The following KCNB2 variants were observed in gnomAD, a reference collection of about 807,000 sequenced individuals.
KCNB2 encodes potassium voltage-gated channel subfamily B member 2.
In KCNB2, 15 loss-of-function variants were observed where a neutral mutation model predicts 61.5. The ratio of observed to expected loss-of-function variants is 0.24; its 90% CI spans 0.16 to 0.38. The LOEUF is 0.38. Ranked by LOEUF, KCNB2 falls within the 10% of genes least tolerant of loss-of-function variation. The probability of loss-of-function intolerance (pLI) is 1.00; values close to 1 mark genes in which losing one functional copy is unlikely to be tolerated. For missense variants in KCNB2, 828 were observed against 1,125.2 expected (o/e 0.74, Z 3.78); for synonymous variants, 457 against 446.0 (o/e 1.02, Z -0.31).
At chr8:72,920,483 A>ATATATATATGTGTG (rs1806500544) in intron 2 of KCNB2, among the ~76,000 whole-genome samples, 2 of 132,774 alleles carry the variant, frequency 1.5e-5, no homozygotes, top group Non-Finnish European at 3.3e-5. Flanking sequence ...CTATATATAT[A>ATATATATATGTGTG]TATATTAGCT....
chr8:72,795,924 G>A (rs73686522), intron 2 of KCNB2, among the ~76,000 whole-genome samples: 4,361 of 152,246 alleles, frequency 0.029, 145 homozygotes, highest in African/African-American at 0.077. Flanking sequence ...ATTTGAAAGA[G>A]TTTGAAAGCA....
At chr8:72,634,393 A>T (rs533580447) in intron 2 of KCNB2, among the ~76,000 whole-genome samples, 1 of 152,166 alleles carries the variant, frequency 6.6e-6, no homozygotes, top group Non-Finnish European at 1.5e-5. Flanking sequence ...CGAGTCTGAG[A>T]TGAGGCCTGA....
rs1806643834 is a variant in KCNB2 at position 72,567,657 on chromosome 8, T to C, written c.-78T>C. 2 of 937,234 alleles carry C rather than the reference T, an allele frequency of 2.1e-6. No homozygotes were observed. Among genetic ancestry groups the C allele is most frequent in the Admixed American group, 2.4e-5 (1 of 41,098 alleles). 58.1% of individuals were successfully genotyped at this position (937,234 alleles called of 1,614,324 possible). On this transcript the variant is annotated 5_prime_UTR_variant, in exon 2 of 3. It removes an upstream start codon present in the reference 5' UTR. Coordinates refer to ENST00000523207, the MANE Select transcript of KCNB2 (RefSeq NM_004770.3). Reference sequence around the variant, plus strand: ...TTTCTTCCAGCTTTGTCAGTGGAAATGCCTGCCCCAGAGGGATATTGCTTC... The same window carrying C: ...TTTCTTCCAGCTTTGTCAGTGGAAACGCCTGCCCCAGAGGGATATTGCTTC...
chr8:72,827,661 C>T (rs1267405399), intron 2 of KCNB2, among the ~76,000 whole-genome samples: 2 of 152,134 alleles, frequency 1.3e-5, no homozygotes, highest in Non-Finnish European at 2.9e-5. Flanking sequence ...GCTGGGCTCC[C>T]TTTCTGTTCT....
intron 2 of KCNB2, among the ~76,000 whole-genome samples, chr8:72,889,282 T>C (rs1162049373): frequency 2.6e-5 from 4 of 152,202 alleles, no homozygotes; most frequent in Non-Finnish European, 5.9e-5. Flanking sequence ...AAATAACTTA[T>C]GATCCCAGGG....
At chr8:72,913,993 C>A (rs1029710177) in intron 2 of KCNB2, among the ~76,000 whole-genome samples, 2 of 152,184 alleles carry the variant, frequency 1.3e-5, no homozygotes, top group African/African-American at 4.8e-5. Context: ...CAGGCTGCTG[C>A]AACAAATACC....
At chr8:72,870,841 G>A (rs1445970716) in intron 2 of KCNB2, among the ~76,000 whole-genome samples, 2 of 152,148 alleles carry the variant, frequency 1.3e-5, no homozygotes, top group Admixed American at 1.3e-4. Context: ...GCCAGGTGTG[G>A]TGCCATGCAC....
chr8:72,570,319 CTAAGTAAA>C (rs1487161581), intron 2 of KCNB2, among the ~76,000 whole-genome samples: 11 of 152,102 alleles, frequency 7.2e-5, no homozygotes, highest in African/African-American at 2.7e-4. Context: ...GTTAATCAAG[CTAAGTAAA>C]TCTTCACTAT....
At chr8:72,691,585 C>T (rs1407604559) in intron 2 of KCNB2, among the ~76,000 whole-genome samples, 1 of 152,158 alleles carries the variant, frequency 6.6e-6, no homozygotes, top group East Asian at 1.9e-4. Context: ...ACAAGTGTAG[C>T]AACTTACTAA....
chr8:72,937,059 T>G lies in KCNB2; in HGVS notation c.1704T>G (p.Ser568=). The G allele has an allele frequency of 6.2e-7, 1 of 1,614,028 alleles. No individual in the cohort carries two copies. The highest frequency in any genetic ancestry group is 8.5e-7 in the Non-Finnish European group (1 of 1,180,004). ...GCCAAGAAAAGCCTGAGAGGCCATC[T>G]GCATATGAAGAAGAGATTGAAATGG... ...PDCQEKPERP[S]AYEEEIEMEE... The change falls in exon 3 of 3, where the codon TCT becomes TCG. Residue 568 remains serine, a synonymous_variant. Transcript: ENST00000523207.
At chr8:72,573,878 T>C (rs926482831) in intron 2 of KCNB2, among the ~76,000 whole-genome samples, 1 of 152,070 alleles carries the variant, frequency 6.6e-6, no homozygotes. Flanking sequence ...ACACTGTTTC[T>C]GTATTGGTGG....
chr8:72,866,206 T>C (rs946078283), intron 2 of KCNB2, among the ~76,000 whole-genome samples: 1 of 152,222 alleles, frequency 6.6e-6, no homozygotes, highest in Non-Finnish European at 1.5e-5. Flanking sequence ...GTGTTACTCC[T>C]GGAACACACT....
At chr8:72,821,447 G>A (rs984677457) in intron 2 of KCNB2, among the ~76,000 whole-genome samples, 2 of 151,990 alleles carry the variant, frequency 1.3e-5, no homozygotes, top group African/African-American at 4.8e-5. Flanking sequence ...AGATGGCCTT[G>A]GATGATGCTT....
chr8:72,734,027 C>G, intron 2 of KCNB2, among the ~76,000 whole-genome samples: 1 of 152,178 alleles, frequency 6.6e-6, no homozygotes, highest in East Asian at 1.9e-4. Context: ...TCCCAGGCTG[C>G]TGAGCTGATT....
At chr8:72,565,984 C>T (rs1197507007) in intron 1 of KCNB2, among the ~76,000 whole-genome samples, 1 of 152,130 alleles carries the variant, frequency 6.6e-6, no homozygotes, top group Non-Finnish European at 1.5e-5. Flanking sequence ...GTTTCATGAT[C>T]CCAGAGTGGG....
intron 2 of KCNB2, among the ~76,000 whole-genome samples, chr8:72,648,091 C>A (rs754728658): frequency 1.3e-5 from 2 of 152,094 alleles, no homozygotes. Context: ...TGGATCATCC[C>A]AGGATGCAGC....
At position 72,819,826 on chromosome 8, in the gene KCNB2, A is replaced by G. The variant is rs151114775; in HGVS notation, c.580-116109A>G. Among the ~76,000 whole-genome samples the G allele has an allele frequency of 2.6e-3, 403 of 152,210 alleles. 4 individuals carry two copies. The highest frequency in any genetic ancestry group is 9.2e-3 in the African/African-American group (382 of 41,530). ...CATGTTATTCTCATCTATGTATTCC[A>G]CTATCTGAAACTCAGCAGATTCTCC... On this transcript the variant is annotated intron_variant, in intron 2 of 2. Transcript: ENST00000523207.
intron 2 of KCNB2, among the ~76,000 whole-genome samples, chr8:72,787,864 A>G (rs924145494): frequency 3.9e-5 from 6 of 152,104 alleles, no homozygotes; most frequent in Non-Finnish European, 5.9e-5. Context: ...TGCTTTAATT[A>G]CTACTATTTT....
chr8:72,778,733 C>CAAAAAAA (rs753797385), intron 2 of KCNB2, among the ~76,000 whole-genome samples: 168 of 14,162 alleles, frequency 0.012, 28 homozygotes, highest in East Asian at 0.028. Context: ...ACAGAGCGAG[C>CAAAAAAA]AAAAAAAAAA....
Sources: gnomAD v4.1 joint callset for allele counts (sites outside exome capture counted in the v4.1 genomes callset) on GRCh38, gnomAD v4.1.1 for gene constraint, MANE v1.5 for transcripts, NCBI Gene and HGNC (gene_info 2026-07-23, HGNC 2026-07-21) for gene names.